Variants in NVL observed in about 807,000 individuals in gnomAD.
NVL encodes the protein nuclear valosin-containing protein-like.
In NVL, 84 loss-of-function variants were observed where a neutral mutation model predicts 110.2. The observed-to-expected ratio is 0.76, with a 90% CI of 0.64 to 0.91. The LOEUF (loss-of-function observed/expected upper bound fraction) is 0.91. Among genes scored for constraint, NVL ranks in the 40% least tolerant of loss-of-function variants. The pLI is 0.00. For missense variants in NVL, 882 were observed against 1,035.9 expected (o/e 0.85, Z 2.04); for synonymous variants, 354 against 361.1 (o/e 0.98, Z 0.22).
intron 22 of NVL, 79 bp downstream of exon 22, chr1:224,231,147 A>G: frequency 1.0e-6 from 1 of 968,228 alleles, no homozygotes; most frequent in Non-Finnish European, 1.6e-6. Flanking sequence ...AAAAAAAAAA[A>G]GAGTTTAATT....
chr1:224,320,765 C>T (rs904249278), intron 2 of NVL, among the ~76,000 whole-genome samples: 5 of 152,148 alleles, frequency 3.3e-5, no homozygotes, highest in Non-Finnish European at 5.9e-5. Flanking sequence ...ATCCTCCCAC[C>T]CCAGCATCCG....
chr1:224,273,872 T>C (rs1665450946), intron 17 of NVL, among the ~76,000 whole-genome samples: 1 of 152,196 alleles, frequency 6.6e-6, no homozygotes, highest in Non-Finnish European at 1.5e-5. Flanking sequence ...GAATCTTCTA[T>C]GATGGTATCA....
intron 1 of NVL, among the ~76,000 whole-genome samples, chr1:224,327,437 A>G (rs188493618): frequency 1.3e-5 from 2 of 152,290 alleles, no homozygotes; most frequent in South Asian, 4.2e-4. Flanking sequence ...AGCTAGACCC[A>G]GTCTCAAAAA....
intron 14 of NVL, 89 bp from the exon 15 acceptor site, chr1:224,286,219 T>TC: frequency 2.9e-6 from 3 of 1,036,728 alleles, no homozygotes; most frequent in Non-Finnish European, 4.3e-6. Context: ...TTTATGGTTT[T>TC]TTTTTTTTTT....
intron 18 of NVL, among the ~76,000 whole-genome samples, 197 bp from the exon 19 acceptor site, chr1:224,250,515 C>G (rs1360328211): frequency 6.6e-6 from 1 of 152,036 alleles, no homozygotes; most frequent in Non-Finnish European, 1.5e-5. Flanking sequence ...TAGATGCATG[C>G]TATCATGCCT....
chr1:224,238,134 A>T (rs1228483638), intron 19 of NVL, among the ~76,000 whole-genome samples: 1 of 151,960 alleles, frequency 6.6e-6, no homozygotes, highest in African/African-American at 2.4e-5. Flanking sequence ...CCCGGGCTCA[A>T]GCCATCCTCC....
chr1:224,243,182 C>T (rs1268725945), intron 19 of NVL, among the ~76,000 whole-genome samples: 6 of 151,664 alleles, frequency 4.0e-5, no homozygotes, highest in Middle Eastern at 3.4e-3. Context: ...ATGAAAGGGC[C>T]GGGTGTAGTG....
intron 2 of NVL, among the ~76,000 whole-genome samples, chr1:224,320,627 A>T (rs1446766015): frequency 6.6e-6 from 1 of 151,214 alleles, no homozygotes. Flanking sequence ...AGCCTGGGTG[A>T]CTGAGTGAGA....
chr1:224,251,020 T>C (rs1349837173), intron 18 of NVL, among the ~76,000 whole-genome samples: 2 of 151,216 alleles, frequency 1.3e-5, no homozygotes, highest in Non-Finnish European at 2.9e-5. Flanking sequence ...ACACCTGTAA[T>C]CCCAGCACTT....
intron 18 of NVL, among the ~76,000 whole-genome samples, chr1:224,260,357 C>A (rs142293996): frequency 0.011 from 1,658 of 152,278 alleles, 10 homozygotes; most frequent in Non-Finnish European, 0.016. Flanking sequence ...CTCCCGAGTT[C>A]CAGCGATTCT....
chr1:224,292,334 C>A (rs1030736013), intron 12 of NVL, among the ~76,000 whole-genome samples: 4 of 152,094 alleles, frequency 2.6e-5, no homozygotes, highest in African/African-American at 9.7e-5. Context: ...TATGTTAATT[C>A]AATACTCACA....
At chr1:224,286,821 A>G (rs934847828) in intron 14 of NVL, among the ~76,000 whole-genome samples, 4 of 152,198 alleles carry the variant, frequency 2.6e-5, no homozygotes, top group African/African-American at 9.6e-5. Context: ...TTTCTCTTTC[A>G]GTAGTACATA....
chr1:224,323,506 C>T (rs1670854747), intron 2 of NVL, among the ~76,000 whole-genome samples: 1 of 152,098 alleles, frequency 6.6e-6, no homozygotes, highest in African/African-American at 2.4e-5. Context: ...CAGGAATAGA[C>T]ATGGGGTTAA....
intron 1 of NVL, among the ~76,000 whole-genome samples, chr1:224,329,485 C>G (rs1012879088): frequency 5.3e-5 from 8 of 152,148 alleles, no homozygotes; most frequent in African/African-American, 1.9e-4. Context: ...GTGTAGCTCA[C>G]AAATTCCTAA....
intron 18 of NVL, among the ~76,000 whole-genome samples, chr1:224,265,889 T>C (rs1664452978): frequency 6.6e-6 from 1 of 152,234 alleles, no homozygotes; most frequent in African/African-American, 2.4e-5. Context: ...TGTCTCAACC[T>C]CGTAAAGTGC....
intron 18 of NVL, among the ~76,000 whole-genome samples, chr1:224,252,995 G>A (rs996008642): frequency 6.6e-6 from 1 of 151,714 alleles, no homozygotes; most frequent in African/African-American, 2.4e-5. Context: ...ATCATTTTGG[G>A]TTTCACCCAA....
chr1:224,231,155 A>G, intron 22 of NVL, 71 bp downstream of exon 22: 2 of 1,039,028 alleles, frequency 1.9e-6, no homozygotes, highest in South Asian at 2.7e-5. Context: ...AAAGAGTTTA[A>G]TTCATGAGGT....
chr1:224,318,559 G>A (rs955048128), intron 2 of NVL, among the ~76,000 whole-genome samples: 3 of 151,686 alleles, frequency 2.0e-5, no homozygotes, highest in Non-Finnish European at 2.9e-5. Context: ...CCGTGATTGC[G>A]CCAATGCACT....
chr1:224,269,974 T>C (rs962861158), intron 17 of NVL: 1 of 150,140 alleles, frequency 6.7e-6, no homozygotes, highest in Non-Finnish European at 1.5e-5. Context: ...TTCACCATGT[T>C]GCCCTTGCTG....
Sources: allele counts gnomAD v4.1 joint callset (sites outside exome capture counted in the v4.1 genomes callset), GRCh38; gene constraint gnomAD v4.1.1; transcripts MANE v1.5; gene names NCBI Gene and HGNC (gene_info 2026-07-23, HGNC 2026-07-21).